SLC22A16: variants seen among roughly 807,000 people sequenced by gnomAD.
SLC22A16 encodes WUGSC:RG331P03.1.
A neutral mutation model predicts 52.9 loss-of-function variants in SLC22A16; 53 were observed. The observed-to-expected ratio is 1.00, with a 90% CI of 0.80 to 1.26. SLC22A16 has a LOEUF of 1.26. Ranked by LOEUF, SLC22A16 falls within the 50% of genes most tolerant of loss-of-function variation. The pLI is 0.00. For synonymous variants in SLC22A16, 291 were observed against 268.8 expected, an observed-to-expected ratio of 1.08 and a Z score of -0.81; for missense variants, 726 against 704.0, an observed-to-expected ratio of 1.03 and a Z score of -0.35.
At chr6:110,434,676 C>A (rs1774648032) in intron 6 of SLC22A16, among the ~76,000 whole-genome samples, 1 of 152,116 alleles carries the variant, frequency 6.6e-6, no homozygotes, top group Admixed American at 6.5e-5. Context: ...CACCTGCAGA[C>A]TTGTTAAAAA....
intron 1 of SLC22A16, among the ~76,000 whole-genome samples, chr6:110,462,660 T>C (rs1775927141): frequency 6.6e-6 from 1 of 152,144 alleles, no homozygotes; most frequent in Non-Finnish European, 1.5e-5. Context: ...GACTTATATG[T>C]AATCCTGAGA....
In SLC22A16 at chr6:110,456,805, T is replaced by C; in HGVS notation, c.266A>G (p.Gln89Arg). The C allele has an allele frequency of 6.2e-7, 1 of 1,614,224 alleles. No homozygotes were observed. The highest frequency in any genetic ancestry group is 8.5e-7 in the Non-Finnish European group (1 of 1,180,040). Residue 89 changes from glutamine (Q) to arginine (R), a missense_variant, in exon 2 of 8, where the codon CAG becomes CGG. By Grantham distance (43) the Gln-to-Arg change is conservative. Coordinates refer to ENST00000368919, the MANE Select transcript of SLC22A16 (RefSeq NM_033125.4). ...CTCCCAGATCTCACCATTCTGCAAC[T>C]GCACCGTAACATAATCTTTCTGGCC... ...SSGQKDYVTV[Q>R]LQNGEIWELS...
intron 1 of SLC22A16, among the ~76,000 whole-genome samples, chr6:110,471,893 T>C (rs1776272698): frequency 6.6e-6 from 1 of 152,178 alleles, no homozygotes; most frequent in Non-Finnish European, 1.5e-5. Flanking sequence ...ACACCCCTGC[T>C]GAGGCACAGC....
chr6:110,466,813 A>T (rs1776079663), intron 1 of SLC22A16, among the ~76,000 whole-genome samples: 1 of 152,144 alleles, frequency 6.6e-6, no homozygotes, highest in African/African-American at 2.4e-5. Context: ...TATCAAAAAG[A>T]CACCTGCATT....
At chr6:110,474,856 T>G (rs1776403416) in intron 1 of SLC22A16, 2 of 505,740 alleles carry the variant, frequency 4.0e-6, no homozygotes, top group Non-Finnish European at 7.9e-6. Context: ...GGCACTTTAG[T>G]CAAACACCAA....
chr6:110,431,295 G>A, intron 6 of SLC22A16, 25 bp from the exon 7 acceptor site: 1 of 1,599,522 alleles, frequency 6.3e-7, no homozygotes, highest in Admixed American at 1.7e-5. Flanking sequence ...GAGAGGCTGA[G>A]ACAAGTAAGG....
intron 1 of SLC22A16, among the ~76,000 whole-genome samples, chr6:110,472,169 A>G (rs1776281508): frequency 6.6e-6 from 1 of 152,178 alleles, no homozygotes; most frequent in South Asian, 2.1e-4. Flanking sequence ...CACACAAACT[A>G]GAAATCCAGG....
chr6:110,444,968 CCT>C (rs1775111650), intron 3 of SLC22A16, among the ~76,000 whole-genome samples: 1 of 152,180 alleles, frequency 6.6e-6, no homozygotes. Context: ...GCTACAACTT[CCT>C]CTGTTATTGG....
intron 7 of SLC22A16, among the ~76,000 whole-genome samples, chr6:110,429,375 G>A (rs941956485): frequency 1.3e-5 from 2 of 152,190 alleles, no homozygotes; most frequent in Non-Finnish European, 1.5e-5. Context: ...CCAAGCCAGC[G>A]ATTCCCGAAG....
intron 1 of SLC22A16, among the ~76,000 whole-genome samples, chr6:110,465,946 C>A (rs1361789735): frequency 6.6e-6 from 1 of 152,030 alleles, no homozygotes; most frequent in African/African-American, 2.4e-5. Context: ...GACACACAAG[C>A]CAATGGAACA....
chr6:110,468,654 A>AC (rs1363124074), intron 1 of SLC22A16, among the ~76,000 whole-genome samples: 3 of 151,058 alleles, frequency 2.0e-5, no homozygotes, highest in African/African-American at 4.9e-5. Context: ...TCAAAAAAAA[A>AC]AAAAACAAAA....
In SLC22A16 at chr6:110,476,603, A is replaced by C; in HGVS notation, c.-29T>G. 1 of 1,519,642 alleles carries C rather than the reference A, an allele frequency of 6.6e-7. No homozygotes were observed. The highest frequency in any genetic ancestry group is 2.7e-5 in the East Asian group (1 of 37,128). The allele number at this position is 1,519,642 out of a possible 1,614,324, so 94.1% of individuals were successfully genotyped here. ...GCGGCCGTGCACTGGGCGCCGAGTTAGCCGAGCTCCGGGGACTGCGGGTAG... is the reference window on the plus strand; with the variant it reads ...GCGGCCGTGCACTGGGCGCCGAGTTCGCCGAGCTCCGGGGACTGCGGGTAG... On this transcript the variant is annotated 5_prime_UTR_variant, in exon 1 of 8. Coordinates refer to ENST00000368919, the MANE Select transcript of SLC22A16 (RefSeq NM_033125.4).
chr6:110,454,647 T>G (rs1333972530), intron 2 of SLC22A16, among the ~76,000 whole-genome samples: 2 of 47,218 alleles, frequency 4.2e-5, no homozygotes, highest in Non-Finnish European at 6.8e-5. Flanking sequence ...TATTATATAT[T>G]TTATATATAT....
chr6:110,467,269 C>T (rs1410813295), intron 1 of SLC22A16, among the ~76,000 whole-genome samples: 1 of 152,078 alleles, frequency 6.6e-6, no homozygotes, highest in African/African-American at 2.4e-5. Context: ...TGTCTTTTTA[C>T]TTGCTTCCGC....
At chr6:110,470,216 C>T (rs1776213813) in intron 1 of SLC22A16, among the ~76,000 whole-genome samples, 1 of 152,040 alleles carries the variant, frequency 6.6e-6, no homozygotes, top group Non-Finnish European at 1.5e-5. Flanking sequence ...CTAAGGAGCA[C>T]CCTATAATAA....
At position 110,446,927 on chromosome 6, in the gene SLC22A16, C is replaced by T. The variant is rs147576037; in HGVS notation, c.597G>A (p.Ala199=). 3,252 of 1,613,830 alleles carry T rather than the reference C, an allele frequency of 2.0e-3. 4 individuals are homozygous for T. Among genetic ancestry groups the T allele is most frequent in the Non-Finnish European group, 2.5e-3 (2,934 of 1,179,862 alleles). Residue 199 remains alanine (A), a synonymous_variant, in exon 3 of 8, where the codon GCG becomes GCA. Transcript: ENST00000368919. ...AGGTGTAATAATCAACTGCAAACGC[C>T]GCTGCTATTCCAAACAAAAACATGC... is the stretch of plus-strand genomic sequence containing the variant. ...SSSMFLFGIA[A]AFAVDYYTFM...
intron 1 of SLC22A16, 132 bp from the exon 2 acceptor site, chr6:110,457,149 CAT>C (rs1373395095): frequency 4.6e-6 from 4 of 873,828 alleles, no homozygotes; most frequent in East Asian, 2.8e-5. Context: ...TAATTATAGA[CAT>C]ATTTATATCT....
At position 110,476,594 on chromosome 6, in the gene SLC22A16, C is replaced by T; in HGVS notation, c.-20G>A. 6.6e-7 allele frequency: 1 copy of T among 1,522,088 alleles called. No individual in the cohort carries two copies. The highest frequency in any genetic ancestry group is 8.8e-7 in the Non-Finnish European group (1 of 1,136,490). The allele number at this position is 1,522,088 out of a possible 1,614,324, so 94.3% of individuals were successfully genotyped here. ...CCCCATGGTGCGGCCGTGCACTGGG[C>T]GCCGAGTTAGCCGAGCTCCGGGGAC... On this transcript the variant is annotated 5_prime_UTR_variant, in exon 1 of 8. Transcript: ENST00000368919.
At position 110,431,216 on chromosome 6, in the gene SLC22A16, C is replaced by T. The variant is rs140728757; in HGVS notation, c.1476G>A (p.Ala492=). ...TGCTGCTGAGGTCCACAGAGAACGG[C>T]GCCAGGATGCTGGCCAGGCGACACA... ...SMVCRLASIL[A]PFSVDLSSIW... is the part of the protein sequence containing the mutation. The change falls in exon 7 of 8, where the codon GCG becomes GCA. Residue 492 remains alanine, a synonymous_variant. Coordinates refer to ENST00000368919, the MANE Select transcript of SLC22A16 (RefSeq NM_033125.4). 211 of 1,613,720 alleles carry T rather than the reference C, an allele frequency of 1.3e-4. 1 individual carries two copies. The East Asian group carries it at 3.7e-3, about 28-fold the overall frequency.
Sources: allele counts gnomAD v4.1 joint callset (sites outside exome capture counted in the v4.1 genomes callset), GRCh38; gene constraint gnomAD v4.1.1; transcripts MANE v1.5; gene names NCBI Gene and HGNC (gene_info 2026-07-23, HGNC 2026-07-21).